LTBP1: variants seen among roughly 807,000 people sequenced by gnomAD.
LTBP1 encodes latent-transforming growth factor beta-binding protein 1.
Under a neutral mutation model 207.6 loss-of-function variants are expected in LTBP1, and 129 were observed. The ratio of observed to expected loss-of-function variants is 0.62; its 90% CI spans 0.54 to 0.72. The LOEUF is 0.72. LTBP1 is among the 30% of genes least tolerant of loss of function. LTBP1 has a pLI of 0.00. For synonymous variants in LTBP1, 963 were observed against 833.7 expected (o/e 1.16, Z -2.67); for missense variants, 2,281 against 2,217.2 (o/e 1.03, Z -0.58).
intron 7 of LTBP1, among the ~76,000 whole-genome samples, chr2:33,199,930 A>C (rs2089020491): frequency 6.6e-6 from 1 of 152,192 alleles, no homozygotes; most frequent in Non-Finnish European, 1.5e-5. Flanking sequence ...GATGTGAAGG[A>C]CCTCTTCAAG....
intron 2 of LTBP1, among the ~76,000 whole-genome samples, chr2:33,003,976 A>C (rs2149003863): frequency 6.6e-6 from 1 of 152,296 alleles, no homozygotes; most frequent in African/African-American, 2.4e-5. Flanking sequence ...ACCCAAGGAT[A>C]ATTGTCTCAA....
intron 31 of LTBP1, among the ~76,000 whole-genome samples, chr2:33,371,178 C>T (rs2095062705): frequency 1.3e-5 from 2 of 152,164 alleles, no homozygotes; most frequent in African/African-American, 4.8e-5. Context: ...CATTTCAATG[C>T]TCCACTACAG....
chr2:33,240,645 CTTTTTTTTT>C (rs869193074), intron 9 of LTBP1, among the ~76,000 whole-genome samples: 4 of 100,818 alleles, frequency 4.0e-5, no homozygotes, highest in African/African-American at 1.6e-4. Flanking sequence ...TGGAAACATT[CTTTTTTTTT>C]TTTTTTTTTT....
intron 3 of LTBP1, among the ~76,000 whole-genome samples, chr2:33,077,548 TAAAC>T (rs1273246545): frequency 6.6e-6 from 1 of 152,044 alleles, no homozygotes; most frequent in African/African-American, 2.4e-5. Flanking sequence ...CACATACTTT[TAAAC>T]AACCAGATCT....
intron 31 of LTBP1, among the ~76,000 whole-genome samples, chr2:33,371,814 C>G (rs191810770): frequency 2.6e-5 from 4 of 152,184 alleles, no homozygotes; most frequent in African/African-American, 4.8e-5. Flanking sequence ...CAGTCAACCA[C>G]GGTCCGAAAT....
intron 3 of LTBP1, among the ~76,000 whole-genome samples, chr2:33,103,543 C>T (rs1341711486): frequency 1.3e-5 from 2 of 150,056 alleles, no homozygotes; most frequent in African/African-American, 4.9e-5. Context: ...TAGGTAATTC[C>T]ATATGGATGG....
chr2:33,034,008 A>T (rs1369668518), intron 3 of LTBP1, among the ~76,000 whole-genome samples: 1 of 152,114 alleles, frequency 6.6e-6, no homozygotes, highest in Non-Finnish European at 1.5e-5. Flanking sequence ...TCCCTGGGGG[A>T]CAGGAGAGCA....
intron 2 of LTBP1, among the ~76,000 whole-genome samples, chr2:33,020,018 A>C (rs1210777254): frequency 6.6e-6 from 1 of 151,818 alleles, no homozygotes; most frequent in Non-Finnish European, 1.5e-5. Context: ...CTGGACTGAT[A>C]ACTTTAAAAC....
At chr2:33,208,865 A>ATTTTTTTTT (rs3053310) in intron 7 of LTBP1, among the ~76,000 whole-genome samples, 5 of 112,984 alleles carry the variant, frequency 4.4e-5, no homozygotes, top group African/African-American at 6.7e-5. Context: ...TCTTGCTACT[A>ATTTTTTTTT]TTTTTTTTTT....
chr2:33,133,688 G>A (rs12712338), intron 4 of LTBP1, among the ~76,000 whole-genome samples: 100,753 of 151,990 alleles, frequency 0.66, 33,724 homozygotes, highest in African/African-American at 0.74. Context: ...GAGGGTGGCT[G>A]TGTTCCAGTA....
intron 7 of LTBP1, among the ~76,000 whole-genome samples, chr2:33,207,197 G>T (rs1429977666): frequency 2.6e-5 from 4 of 151,754 alleles, no homozygotes; most frequent in African/African-American, 9.7e-5. Flanking sequence ...GCTTAAGAGG[G>T]TTTTTTTTCC....
rs57363701 is a variant in LTBP1 at position 33,005,594 on chromosome 2, CT to C, written c.566-15295del. Among the ~76,000 whole-genome samples the C allele has an allele frequency of 3.0e-3, 400 of 132,884 alleles. 3 individuals are homozygous for C. The highest frequency in any genetic ancestry group is 6.1e-3 in the African/African-American group (213 of 35,164). 87.2% of individuals were successfully genotyped at this position (132,884 alleles called of 152,430 possible). On this transcript the variant is annotated intron_variant, in intron 2 of 33. Coordinates refer to ENST00000404816, the MANE Select transcript of LTBP1 (RefSeq NM_206943.4). ...AAGAGAGAGGGAACATAAGCTCTAC[CT>C]TTTTTTTTTTTTTTTTTTTGAGACA...
chr2:33,062,645 C>G (rs2077320914), intron 3 of LTBP1, among the ~76,000 whole-genome samples: 1 of 152,118 alleles, frequency 6.6e-6, no homozygotes, highest in Admixed American at 6.6e-5. Flanking sequence ...TCCAGCTATT[C>G]TGTTGATCTG....
chr2:33,275,678 C>T (rs747736375), intron 17 of LTBP1, 123 bp from the exon 18 acceptor site: 82 of 1,251,222 alleles, frequency 6.6e-5, no homozygotes, highest in Non-Finnish European at 7.6e-5. Context: ...GAGCGAAACT[C>T]CATCTCAAAA....
intron 13 of LTBP1, among the ~76,000 whole-genome samples, chr2:33,262,378 G>A (rs1288384322): frequency 6.6e-6 from 1 of 152,102 alleles, no homozygotes; most frequent in Admixed American, 6.6e-5. Context: ...CTCGTTGGGG[G>A]TTAGTTTTGC....
At chr2:33,228,636 G>A (rs1014281780) in intron 9 of LTBP1, among the ~76,000 whole-genome samples, 17 of 147,162 alleles carry the variant, frequency 1.2e-4, no homozygotes, top group Non-Finnish European at 1.6e-4. Flanking sequence ...GAGACACAGA[G>A]AAAGTAAATA....
chr2:33,145,193 T>G (rs1296032021), intron 5 of LTBP1, among the ~76,000 whole-genome samples: 1 of 152,196 alleles, frequency 6.6e-6, no homozygotes, highest in African/African-American at 2.4e-5. Flanking sequence ...TATCTTGAAT[T>G]TAGACTCATG....
At chr2:33,203,340 A>G (rs1418016756) in intron 7 of LTBP1, among the ~76,000 whole-genome samples, 1 of 152,220 alleles carries the variant, frequency 6.6e-6, no homozygotes, top group Non-Finnish European at 1.5e-5. Context: ...ACATGTCTGC[A>G]TGTCACTGGG....
intron 3 of LTBP1, among the ~76,000 whole-genome samples, chr2:33,065,413 G>A (rs1220614948): frequency 1.3e-5 from 2 of 152,156 alleles, no homozygotes; most frequent in Middle Eastern, 3.4e-3. Context: ...TATTAGCTGG[G>A]TGTGGTGGTG....
Sources: gnomAD v4.1 joint callset for allele counts (sites outside exome capture counted in the v4.1 genomes callset) on GRCh38, gnomAD v4.1.1 for gene constraint, MANE v1.5 for transcripts, NCBI Gene and HGNC (gene_info 2026-07-23, HGNC 2026-07-21) for gene names.